The following OLFM2 variants were observed in gnomAD, a reference collection of about 807,000 sequenced individuals.
The protein encoded by OLFM2 is olfactomedin 2.
OLFM2 carries 20 observed loss-of-function variants against 43.9 expected under a neutral mutation model. The observed-to-expected ratio is 0.46, with a 90% CI of 0.32 to 0.66. OLFM2 has a LOEUF of 0.66. Among genes scored for constraint, OLFM2 ranks in the 30% least tolerant of loss-of-function variants. The pLI is 0.04. For missense variants in OLFM2, 416 were observed against 643.6 expected, an observed-to-expected ratio of 0.65 and a Z score of 3.83; for synonymous variants, 268 against 278.6, an observed-to-expected ratio of 0.96 and a Z score of 0.38.
At chr19:9,931,110 G>A (rs2086479541) in intron 1 of OLFM2, among the ~76,000 whole-genome samples, 1 of 152,000 alleles carries the variant, frequency 6.6e-6, no homozygotes, top group African/African-American at 2.4e-5. Context: ...ACACTAACTC[G>A]GAGTCTTTAA....
intron 1 of OLFM2, among the ~76,000 whole-genome samples, chr19:9,918,904 T>C (rs1410543060): frequency 6.6e-6 from 1 of 152,106 alleles, no homozygotes; most frequent in Non-Finnish European, 1.5e-5. Context: ...GGGGGCTGTT[T>C]TGGAGGTGAT....
intron 1 of OLFM2, among the ~76,000 whole-genome samples, chr19:9,928,759 C>T (rs2086467076): frequency 6.6e-6 from 1 of 150,862 alleles, no homozygotes; most frequent in Non-Finnish European, 1.5e-5. Context: ...GAGATGAGAT[C>T]GTGCCACTGC....
chr19:9,863,982 G>A (rs559285630), intron 1 of OLFM2, among the ~76,000 whole-genome samples: 206 of 152,334 alleles, frequency 1.4e-3, no homozygotes, highest in Non-Finnish European at 2.0e-3. Context: ...CACTTTCTCC[G>A]CCTTCCTTGT....
In OLFM2 at chr19:9,936,422, C is replaced by T; in HGVS notation, c.-56G>A. The T allele has an allele frequency of 8.6e-7, 1 of 1,161,598 alleles. No homozygotes were observed. The highest frequency in any genetic ancestry group is 1.1e-6 in the Non-Finnish European group (1 of 944,260). 72.0% of individuals were successfully genotyped at this position (1,161,598 alleles called of 1,614,324 possible). On this transcript the variant is annotated 5_prime_UTR_variant, in exon 1 of 6. Coordinates refer to ENST00000264833, the MANE Select transcript of OLFM2 (RefSeq NM_058164.4). ...CGCCCGCCCTAGCGGCGCCTCGGCGCGGGGACCGCCACCAGGCGCGACCCC... is the reference window on the plus strand; with the variant it reads ...CGCCCGCCCTAGCGGCGCCTCGGCGTGGGGACCGCCACCAGGCGCGACCCC...
intron 1 of OLFM2, among the ~76,000 whole-genome samples, chr19:9,877,735 TC>T (rs1159941655): frequency 6.6e-6 from 1 of 152,176 alleles, no homozygotes; most frequent in Non-Finnish European, 1.5e-5. Flanking sequence ...TCTCTCTGTG[TC>T]ACTTTTGCCT....
chr19:9,914,956 G>T (rs2046863325), intron 1 of OLFM2, among the ~76,000 whole-genome samples: 1 of 152,084 alleles, frequency 6.6e-6, no homozygotes, highest in South Asian at 2.1e-4. Context: ...GGCTGGGGAG[G>T]AGCGCCAAGC....
chr19:9,892,485 TG>T (rs1277193231), intron 1 of OLFM2, among the ~76,000 whole-genome samples: 1 of 151,962 alleles, frequency 6.6e-6, no homozygotes, highest in African/African-American at 2.4e-5. Flanking sequence ...CCAAGGTGGG[TG>T]GATCACTTGA....
chr19:9,902,154 G>C (rs147950657), intron 1 of OLFM2, among the ~76,000 whole-genome samples: 1 of 151,132 alleles, frequency 6.6e-6, no homozygotes, highest in South Asian at 2.1e-4. Flanking sequence ...TCAGCCTCCC[G>C]AGTAGCTGGG....
In OLFM2 at chr19:9,936,210, G is replaced by T. The variant is rs558344263; in HGVS notation, c.63+94C>A. 327 of 1,379,338 alleles carry T rather than the reference G, an allele frequency of 2.4e-4. 3 individuals are homozygous for T. The South Asian group carries it at 4.0e-3, about 17-fold the overall frequency. The allele number at this position is 1,379,338 out of a possible 1,614,324, so 85.4% of individuals were successfully genotyped here. ...CGCCGCCCTGCAGCTGGGGGGGCTT[G>T]TGGAGCCTCCCAACCCCGTTTCTCC... On this transcript the variant is annotated intron_variant, in intron 1 of 5. Coordinates refer to ENST00000264833, the MANE Select transcript of OLFM2 (RefSeq NM_058164.4).
intron 1 of OLFM2, among the ~76,000 whole-genome samples, chr19:9,894,672 G>T (rs1165594042): frequency 1.3e-4 from 20 of 152,024 alleles, no homozygotes; most frequent in Admixed American, 1.3e-3. Context: ...TTGCACCATT[G>T]CACTCCAGCC....
intron 2 of OLFM2, chr19:9,858,170 C>G: frequency 2.2e-6 from 1 of 461,032 alleles, no homozygotes; most frequent in Non-Finnish European, 4.0e-6. Context: ...AAGGAACTTT[C>G]AAAACAGAGA....
chr19:9,857,515 G>GGGTCAA lies in OLFM2; in HGVS notation c.361-34_361-33insTTGACC. The GGGTCAA allele has an allele frequency of 1.2e-6, 2 of 1,606,320 alleles. No homozygotes were observed. The highest frequency in any genetic ancestry group is 1.7e-6 in the Non-Finnish European group (2 of 1,175,772). On this transcript the variant is annotated intron_variant, in intron 3 of 5. Coordinates refer to ENST00000264833, the MANE Select transcript of OLFM2 (RefSeq NM_058164.4). The surrounding 1 kb of genome is among the most constrained non-coding windows in gnomAD (Gnocchi z 5.7). The stretch of plus-strand genomic sequence containing the variant: ...TCAAGATGGAACCATGGCCAAGCCT[G>GGGTCAA]ACCCCTGGCCTTTGACCCAGACATG...
intron 1 of OLFM2, among the ~76,000 whole-genome samples, chr19:9,914,472 A>G (rs2144995571): frequency 6.6e-6 from 1 of 152,242 alleles, no homozygotes; most frequent in African/African-American, 2.4e-5. Flanking sequence ...GTTTGGGTGC[A>G]GGTGCGGTCC....
At chr19:9,911,344 A>G (rs1422994761) in intron 1 of OLFM2, among the ~76,000 whole-genome samples, 1 of 152,090 alleles carries the variant, frequency 6.6e-6, no homozygotes, top group South Asian at 2.1e-4. Flanking sequence ...CCTTTTGACA[A>G]AGTATAATGA....
intron 1 of OLFM2, among the ~76,000 whole-genome samples, chr19:9,924,279 G>A (rs1206528990): frequency 3.3e-5 from 5 of 150,760 alleles, no homozygotes; most frequent in African/African-American, 1.2e-4. Flanking sequence ...GGTGGCGGGC[G>A]CCTGTAGTCC....
intron 1 of OLFM2, 61 bp from the exon 2 acceptor site, chr19:9,860,855 G>A (rs911729390): frequency 6.6e-7 from 1 of 1,515,210 alleles, no homozygotes; most frequent in South Asian, 1.2e-5. Context: ...CGCCCTCACT[G>A]GGACAGGAAG....
chr19:9,902,219 G>A lies in OLFM2; in HGVS notation c.63+34085C>T, dbSNP rs1057104704. 2.7e-5 allele frequency among the ~76,000 whole-genome samples: 4 copies of A among 150,608 alleles called. 1 individual carries two copies. The highest frequency in any genetic ancestry group is 4.2e-4 in the South Asian group (2 of 4,758). On this transcript the variant is annotated intron_variant, in intron 1 of 5. Transcript: ENST00000264833. Reference sequence around the variant, plus strand: ...AATTTTTTGTATTTTTAGTAGAGGCGGGGTTTCACCGTGTTAACCAGGAGG... The same window carrying A: ...AATTTTTTGTATTTTTAGTAGAGGCAGGGTTTCACCGTGTTAACCAGGAGG...
Position 9,854,946 on chromosome 19 carries a change from C to T in OLFM2, c.688-83G>A, listed in dbSNP as rs2046303819. The T allele has an allele frequency of 2.8e-6, 3 of 1,075,740 alleles. No individual in the cohort carries two copies. Among genetic ancestry groups the T allele is most frequent in the Non-Finnish European group, 4.0e-6 (3 of 758,920 alleles). 66.6% of individuals were successfully genotyped at this position (1,075,740 alleles called of 1,614,324 possible). On this transcript the variant is annotated intron_variant, in intron 5 of 5. Coordinates refer to ENST00000264833, the MANE Select transcript of OLFM2 (RefSeq NM_058164.4). The surrounding 1 kb of genome is among the most constrained non-coding windows in gnomAD (Gnocchi z 9.5). ...AGCACCAGCTACAGCCATTAGAGTTCAACAGTCACTAAGTGGTCATTAGTC... is the reference window on the plus strand; with the variant it reads ...AGCACCAGCTACAGCCATTAGAGTTTAACAGTCACTAAGTGGTCATTAGTC...
rs138637548 is a variant in OLFM2, at chr19:9,865,083, A to G, written c.64-4289T>C. Among the ~76,000 whole-genome samples the G allele has an allele frequency of 6.4e-4, 97 of 152,002 alleles. 1 individual carries two copies. Among genetic ancestry groups the G allele is most frequent in the Middle Eastern group, 3.4e-3 (1 of 294 alleles). On this transcript the variant is annotated intron_variant, in intron 1 of 5. Coordinates refer to ENST00000264833, the MANE Select transcript of OLFM2 (RefSeq NM_058164.4). Reference sequence around the variant, plus strand: ...TAAGACAACAAGGATGGCCCAGTACAAGAGGAATACCCCAAGAAAGCCTGC... The same window carrying G: ...TAAGACAACAAGGATGGCCCAGTACGAGAGGAATACCCCAAGAAAGCCTGC...
Sources: allele counts gnomAD v4.1 joint callset (sites outside exome capture counted in the v4.1 genomes callset), GRCh38; gene constraint gnomAD v4.1.1; non-coding constraint Gnocchi (gnomAD v3.1); transcripts MANE v1.5; gene names NCBI Gene and HGNC (gene_info 2026-07-23, HGNC 2026-07-21).